The following PFKFB4 variants were observed in gnomAD, a reference collection of about 807,000 sequenced individuals.
The protein encoded by PFKFB4 is 6-phosphofructo-2-kinase/fructose-2,6-biphosphatase 4.
Under a neutral mutation model 62.8 loss-of-function variants are expected in PFKFB4, and 42 were observed. The ratio of observed to expected loss-of-function variants is 0.67; its 90% CI spans 0.52 to 0.86. The LOEUF (loss-of-function observed/expected upper bound fraction) is 0.86, where lower values mean the gene tolerates loss of function less well. Among genes scored for constraint, PFKFB4 ranks in the 40% least tolerant of loss-of-function variants. PFKFB4 has a pLI of 0.00. For missense variants in PFKFB4, 475 were observed against 627.2 expected, an observed-to-expected ratio of 0.76 and a Z score of 2.59; for synonymous variants, 204 against 240.7, an observed-to-expected ratio of 0.85 and a Z score of 1.41.
At chr3:48,557,060 T>A (rs971906641), upstream of PFKFB4, 2 of 975,404 alleles carry the variant, frequency 2.1e-6, no homozygotes, top group Non-Finnish European at 2.7e-6. Flanking sequence ...CTCCGGATTG[T>A]ACTGGTCCCG....
chr3:48,557,327 T>C (rs2043354758), upstream of PFKFB4, among the ~76,000 whole-genome samples: 1 of 152,164 alleles, frequency 6.6e-6, no homozygotes, highest in Admixed American at 6.5e-5. Flanking sequence ...CAGGGGCCAG[T>C]AGGCCTGCAG....
At position 48,532,088 on chromosome 3, in the gene PFKFB4, C is replaced by T. The variant is rs538447893; in HGVS notation, c.987+3424G>A. ...CTGGGAGGCCGAGGCGGGTGGATTG[C>T]CTGAGGTTGGGAGTTTGAGACCAGT... is the stretch of plus-strand genomic sequence containing the variant. On this transcript the variant is annotated intron_variant, in intron 9 of 13. Coordinates refer to ENST00000232375, the MANE Select transcript of PFKFB4 (RefSeq NM_004567.4). 2.1e-4 allele frequency among the ~76,000 whole-genome samples: 32 copies of T among 152,298 alleles called. No homozygotes were observed. The East Asian group carries it at 3.7e-3, about 17-fold the overall frequency.
At chr3:48,555,575 A>G (rs971730636) in intron 1 of PFKFB4, among the ~76,000 whole-genome samples, 2 of 152,122 alleles carry the variant, frequency 1.3e-5, no homozygotes, top group African/African-American at 4.8e-5. Flanking sequence ...TGTTTCAGTT[A>G]CTCCTAAAAC....
In PFKFB4 at chr3:48,521,925, G is replaced by T; in HGVS notation, c.1350+61C>A. 7.3e-7 allele frequency: 1 copy of T among 1,374,334 alleles called. No individual in the cohort carries two copies. Among genetic ancestry groups the T allele is most frequent in the Non-Finnish European group, 1.0e-6 (1 of 960,906 alleles). The allele number at this position is 1,374,334 out of a possible 1,614,324, so 85.1% of individuals were successfully genotyped here. Reference sequence around the variant, plus strand: ...AGCTGGGCCTGGCCCTGGAGGATGTGCAGTCTGGACACCCCCACATCAGGA... The same window carrying T: ...AGCTGGGCCTGGCCCTGGAGGATGTTCAGTCTGGACACCCCCACATCAGGA... On this transcript the variant is annotated intron_variant, in intron 13 of 13. Coordinates refer to ENST00000232375, the MANE Select transcript of PFKFB4 (RefSeq NM_004567.4). The surrounding 1 kb of genome is among the most constrained non-coding windows in gnomAD (Gnocchi z 5.3).
chr3:48,554,639 G>A (rs991969333), intron 1 of PFKFB4, among the ~76,000 whole-genome samples: 4 of 152,180 alleles, frequency 2.6e-5, no homozygotes, highest in African/African-American at 4.8e-5. Flanking sequence ...CACCTGTAAC[G>A]GGGGTTGGCT....
At chr3:48,562,482 G>C (rs1215514478), upstream of PFKFB4, 1 of 435,834 alleles carries the variant, frequency 2.3e-6, no homozygotes, top group Non-Finnish European at 4.1e-6. The surrounding 1 kb of genome is among the most constrained non-coding windows in gnomAD (Gnocchi z 4.3). Flanking sequence ...CATCCAAGCT[G>C]TCCGGACATA....
intron 9 of PFKFB4, among the ~76,000 whole-genome samples, chr3:48,534,364 A>G (rs1032391931): frequency 2.0e-5 from 3 of 152,222 alleles, no homozygotes; most frequent in Non-Finnish European, 2.9e-5. Context: ...TTAGAAACCC[A>G]GAAATCCGAG....
At chr3:48,560,339 G>C (rs1359028260), upstream of PFKFB4, among the ~76,000 whole-genome samples, 1 of 152,212 alleles carries the variant, frequency 6.6e-6, no homozygotes, top group Non-Finnish European at 1.5e-5. Context: ...AGGTTCAGGA[G>C]TTTCCAGGAA....
rs1418402953 is a variant in PFKFB4, at chr3:48,536,236, G to T, written c.840+20C>A. The T allele has an allele frequency of 3.7e-6, 6 of 1,605,136 alleles. No individual in the cohort carries two copies. The highest frequency in any genetic ancestry group is 3.3e-5 in the Admixed American group (2 of 59,916). ...TACAAATGCAGGCCCGTGTGCGCAC[G>T]CAGGGACACATGCACTGACCTCCCT... On this transcript the variant is annotated intron_variant, in intron 8 of 13. Coordinates refer to ENST00000232375, the MANE Select transcript of PFKFB4 (RefSeq NM_004567.4).
chr3:48,544,278 CG>C (rs1282455619), intron 3 of PFKFB4, among the ~76,000 whole-genome samples: 3 of 152,000 alleles, frequency 2.0e-5, no homozygotes. Flanking sequence ...GGCTGGCCCT[CG>C]GGCAGTGTTA....
At chr3:48,546,281 G>A (rs547011511) in intron 3 of PFKFB4, among the ~76,000 whole-genome samples, 27 of 152,244 alleles carry the variant, frequency 1.8e-4, no homozygotes, top group African/African-American at 6.3e-4. Flanking sequence ...CAGGATGTGT[G>A]TGCATGCACC....
upstream of PFKFB4, chr3:48,561,172 C>T: frequency 1.0e-6 from 1 of 994,318 alleles, no homozygotes; most frequent in Non-Finnish European, 1.3e-6. This position sits in a 1 kb window ranked among gnomAD's most constrained non-coding sequence, Gnocchi z 5.2. Flanking sequence ...TGGGGTAACC[C>T]CGCCTAGCAC....
chr3:48,552,617 G>C (rs1447173222), intron 1 of PFKFB4, among the ~76,000 whole-genome samples: 2 of 152,248 alleles, frequency 1.3e-5, no homozygotes, highest in Non-Finnish European at 2.9e-5. Context: ...CGGCCAGGTG[G>C]CCGGGCTCTC....
At position 48,556,134 on chromosome 3, in the gene PFKFB4, T is replaced by C. The variant is rs982353582; in HGVS notation, c.97+547A>G. On this transcript the variant is annotated intron_variant, in intron 1 of 13. Transcript: ENST00000232375. The surrounding 1 kb of genome is among the most constrained non-coding windows in gnomAD (Gnocchi z 5.7). ...CCCACACGGCATACTTTTCTGTCTCTATCCTGAGCACATCTCTGCTGAAGT... is the reference window on the plus strand; with the variant it reads ...CCCACACGGCATACTTTTCTGTCTCCATCCTGAGCACATCTCTGCTGAAGT... 3 of 456,904 alleles carry C rather than the reference T, an allele frequency of 6.6e-6. No homozygotes were observed. Among genetic ancestry groups the C allele is most frequent in the African/African-American group, 6.0e-5 (3 of 50,100 alleles). The allele number at this position is 456,904 out of a possible 1,614,324, so 28.3% of individuals were successfully genotyped here.
chr3:48,556,876 A>C (rs180722192), upstream of PFKFB4: 411 of 1,461,544 alleles, frequency 2.8e-4, 2 homozygotes, highest in African/African-American at 5.7e-3. The surrounding 1 kb of genome is among the most constrained non-coding windows in gnomAD (Gnocchi z 5.7). Flanking sequence ...GCCCCTCCTC[A>C]AGCCGCGACA....
intron 1 of PFKFB4, among the ~76,000 whole-genome samples, chr3:48,554,492 C>T (rs774047164): frequency 6.6e-6 from 1 of 152,244 alleles, no homozygotes; most frequent in Non-Finnish European, 1.5e-5. Flanking sequence ...CCTACCCCAA[C>T]ACCCTGAGAC....
At chr3:48,545,290 C>T (rs2042928314) in intron 3 of PFKFB4, among the ~76,000 whole-genome samples, 1 of 152,120 alleles carries the variant, frequency 6.6e-6, no homozygotes, top group Admixed American at 6.6e-5. Context: ...TGCCACCACA[C>T]CCAGCTAATT....
chr3:48,562,732 C>T (rs1356289456), upstream of PFKFB4: 1 of 1,473,474 alleles, frequency 6.8e-7, no homozygotes, highest in African/African-American at 1.4e-5. The surrounding 1 kb of genome is among the most constrained non-coding windows in gnomAD (Gnocchi z 4.3). Context: ...TGTGGCTGCC[C>T]TCCAGGTCTT....
rs752723492 is a variant in PFKFB4 at position 48,550,176 on chromosome 3, C to T, written c.156G>A (p.Lys52=). 1 of 1,614,218 alleles carries T rather than the reference C, an allele frequency of 6.2e-7. No homozygotes were observed. The highest frequency in any genetic ancestry group is 1.1e-5 in the South Asian group (1 of 91,082). ...GAGTCAGCTTCTTGGAGATGTAGGT[C>T]TTGCCCCTGGCGGGCAGGCCCACCA... ...IVMVGLPARG[K]TYISKKLTRY... Residue 52 remains lysine (K), a synonymous_variant, in exon 2 of 14, where the codon AAG becomes AAA. Transcript: ENST00000232375.
Sources: gnomAD v4.1 joint callset for allele counts (sites outside exome capture counted in the v4.1 genomes callset) on GRCh38, gnomAD v4.1.1 for gene constraint, Gnocchi (gnomAD v3.1) non-coding constraint, MANE v1.5 for transcripts, NCBI Gene and HGNC (gene_info 2026-07-23, HGNC 2026-07-21) for gene names.